Variants in GLIS3 observed in about 807,000 individuals in gnomAD.
The protein encoded by GLIS3 is zinc finger protein GLIS3.
In GLIS3, 53 loss-of-function variants were observed where a neutral mutation model predicts 78.6. That is an observed-to-expected ratio of 0.67 (90% CI 0.54 to 0.85). GLIS3 has a LOEUF of 0.85. Ranked by LOEUF, GLIS3 falls within the 40% of genes least tolerant of loss-of-function variation. GLIS3 has a pLI of 0.00. For synonymous variants in GLIS3, 684 were observed against 509.9 expected (o/e 1.34, Z -4.60); for missense variants, 1,703 against 1,231.1 (o/e 1.38, Z -5.74).
chr9:4,257,893 G>A (rs987352460), intron 2 of GLIS3, among the ~76,000 whole-genome samples: 1 of 152,016 alleles, frequency 6.6e-6, no homozygotes, highest in East Asian at 1.9e-4. Context: ...TGTTTAATAT[G>A]TATATTAAAA....
intron 2 of GLIS3, among the ~76,000 whole-genome samples, chr9:4,335,996 G>C (rs1488756108): frequency 6.6e-6 from 1 of 152,224 alleles, no homozygotes; most frequent in Non-Finnish European, 1.5e-5. Context: ...GGAGCAAGCA[G>C]TTAGAAAACC....
chr9:4,461,493 A>G, the GLIS3 span, among the ~76,000 whole-genome samples: 1 of 152,018 alleles, frequency 6.6e-6, no homozygotes, highest in Non-Finnish European at 1.5e-5. Context: ...AAATGCCTCT[A>G]CTCTTTCCTC....
At chr9:3,948,365 T>C (rs1017568) in intron 4 of GLIS3, among the ~76,000 whole-genome samples, 19,602 of 152,240 alleles carry the variant, frequency 0.13, 1,626 homozygotes, top group East Asian at 0.25. Context: ...TTCCTATATG[T>C]TCACTCATGG....
the GLIS3 span, among the ~76,000 whole-genome samples, chr9:4,361,823 G>A: frequency 6.6e-6 from 1 of 152,172 alleles, no homozygotes; most frequent in Non-Finnish European, 1.5e-5. Context: ...CAGATCAGTA[G>A]AAAATCTACA....
At chr9:3,847,649 C>A (rs898510788) in intron 9 of GLIS3, among the ~76,000 whole-genome samples, 1 of 152,222 alleles carries the variant, frequency 6.6e-6, no homozygotes, top group Admixed American at 6.5e-5. Context: ...CATTCCAACA[C>A]CTTTTCTGGT....
At chr9:4,031,476 G>T (rs1008069712) in intron 4 of GLIS3, among the ~76,000 whole-genome samples, 1 of 152,236 alleles carries the variant, frequency 6.6e-6, no homozygotes, top group African/African-American at 2.4e-5. Context: ...GTTGCCTGTG[G>T]CTGAGAGGAG....
At chr9:3,839,090 C>T (rs1818555842) in intron 9 of GLIS3, among the ~76,000 whole-genome samples, 1 of 152,186 alleles carries the variant, frequency 6.6e-6, no homozygotes, top group African/African-American at 2.4e-5. Context: ...AAAATTTCTT[C>T]TTAAGTAGCC....
At chr9:3,998,687 C>G (rs985202729) in intron 4 of GLIS3, among the ~76,000 whole-genome samples, 1 of 150,846 alleles carries the variant, frequency 6.6e-6, no homozygotes, top group African/African-American at 2.4e-5. Flanking sequence ...AGTTAGAATT[C>G]TTTTCTTTCT....
At chr9:4,052,543 A>G (rs568862904) in intron 4 of GLIS3, among the ~76,000 whole-genome samples, 1 of 152,254 alleles carries the variant, frequency 6.6e-6, no homozygotes, top group Admixed American at 6.5e-5. Context: ...CTGTCTCTAT[A>G]GATTTACCTC....
the GLIS3 span, among the ~76,000 whole-genome samples, chr9:4,410,827 A>G: frequency 6.6e-6 from 1 of 152,182 alleles, no homozygotes; most frequent in Non-Finnish European, 1.5e-5. Context: ...AATCTTACTG[A>G]TAAGATTAAT....
intron 2 of GLIS3, among the ~76,000 whole-genome samples, chr9:4,242,405 T>C (rs1485706214): frequency 6.6e-6 from 1 of 152,148 alleles, no homozygotes; most frequent in Non-Finnish European, 1.5e-5. Flanking sequence ...ACAATTCCCT[T>C]TATTCAGGGC....
At chr9:4,419,741 C>G in the GLIS3 span, among the ~76,000 whole-genome samples, 1 of 152,092 alleles carries the variant, frequency 6.6e-6, no homozygotes, top group Non-Finnish European at 1.5e-5. Context: ...GATCACGCCA[C>G]TGCACTCCAG....
chr9:4,286,600 A>T (rs1156946184), intron 1 of GLIS3, 77 bp from the exon 2 acceptor site: 3 of 740,824 alleles, frequency 4.0e-6, no homozygotes, highest in Non-Finnish European at 6.8e-6. Context: ...CAACCTGTGT[A>T]TCATTCATAA....
chr9:4,477,127 T>C, the GLIS3 span, among the ~76,000 whole-genome samples: 1 of 152,090 alleles, frequency 6.6e-6, no homozygotes, highest in Non-Finnish European at 1.5e-5. Flanking sequence ...ATTCACAGCA[T>C]TATTATTCAC....
intron 2 of GLIS3, among the ~76,000 whole-genome samples, chr9:4,180,049 T>C (rs139851869): frequency 2.0e-5 from 3 of 152,284 alleles, no homozygotes; most frequent in Admixed American, 6.5e-5. Context: ...ATTTGACGGA[T>C]ACCTGACTTA....
At chr9:4,134,641 G>T (rs1482547860) in intron 2 of GLIS3, among the ~76,000 whole-genome samples, 3 of 152,174 alleles carry the variant, frequency 2.0e-5, no homozygotes, top group Non-Finnish European at 4.4e-5. Context: ...TCATGATTAT[G>T]TTACGGAATG....
chr9:4,400,002 T>G, the GLIS3 span, among the ~76,000 whole-genome samples: 8 of 152,060 alleles, frequency 5.3e-5, no homozygotes, highest in African/African-American at 1.9e-4. Flanking sequence ...AGTGAGGAGA[T>G]TGGGCAATGG....
rs750454441 is a variant in GLIS3, at chr9:3,965,188, C to CTTTTTTTTTTTTTTTTTTTTTTTTT, written c.1711-28000_1711-27999insAAAAAAAAAAAAAAAAAAAAAAAAA. 3.2e-4 allele frequency among the ~76,000 whole-genome samples: 32 copies of CTTTTTTTTTTTTTTTTTTTTTTTTT among 99,004 alleles called. 4 individuals carry two copies. The highest frequency in any genetic ancestry group is 9.1e-4 in the East Asian group (3 of 3,290). 65.0% of individuals were successfully genotyped at this position (99,004 alleles called of 152,430 possible). A position where few individuals can be genotyped will look rare whatever the true frequency, so the allele number is the denominator to read the frequency against. Reference sequence around the variant, plus strand: ...TACTTCTTTTCTATTTCTTTCTTTTCTTTTCTTTTTTTTTTTTTTTTTTTG... The same window carrying CTTTTTTTTTTTTTTTTTTTTTTTTT: ...TACTTCTTTTCTATTTCTTTCTTTTCTTTTTTTTTTTTTTTTTTTTTTTTTTTTTCTTTTTTTTTTTTTTTTTTTG... On this transcript the variant is annotated intron_variant, in intron 4 of 10. Coordinates refer to ENST00000381971, the MANE Select transcript of GLIS3 (RefSeq NM_001042413.2).
At chr9:4,110,094 G>A in intron 4 of GLIS3, among the ~76,000 whole-genome samples, 1 of 152,180 alleles carries the variant, frequency 6.6e-6, no homozygotes, top group East Asian at 1.9e-4. Context: ...TATCCCCCGG[G>A]TAAGGTATGG....
Sources: allele counts gnomAD v4.1 joint callset (sites outside exome capture counted in the v4.1 genomes callset), GRCh38; gene constraint gnomAD v4.1.1; transcripts MANE v1.5; gene names NCBI Gene and HGNC (gene_info 2026-07-23, HGNC 2026-07-21).